The following FHAD1 variants were observed in gnomAD, a reference collection of about 807,000 sequenced individuals.
FHAD1 encodes forkhead associated phosphopeptide binding domain 1, also known as forkhead-associated domain-containing protein 1.
In FHAD1, 146 loss-of-function variants were observed where a neutral mutation model predicts 191.3. The ratio of observed to expected loss-of-function variants is 0.76; its 90% CI spans 0.67 to 0.88. The LOEUF is 0.88. Among genes scored for constraint, FHAD1 ranks in the 40% least tolerant of loss-of-function variants. FHAD1 has a pLI of 0.00. For missense variants in FHAD1, 1,635 were observed against 1,785.8 expected (o/e 0.92, Z 1.52); for synonymous variants, 616 against 672.3 (o/e 0.92, Z 1.29).
chr1:15,263,510 C>CTTTTATT (rs1652016077), intron 2 of FHAD1, among the ~76,000 whole-genome samples: 1 of 75,030 alleles, frequency 1.3e-5, no homozygotes, highest in Non-Finnish European at 2.7e-5. Context: ...CAGTTTTATT[C>CTTTTATT]TTTTTTTTTT....
intron 2 of FHAD1, among the ~76,000 whole-genome samples, chr1:15,256,600 T>C (rs1648185878): frequency 7.2e-6 from 1 of 139,640 alleles, no homozygotes; most frequent in Non-Finnish European, 1.5e-5. Flanking sequence ...TGAGCTGAGA[T>C]TGTGCCACTG....
intron 3 of FHAD1, among the ~76,000 whole-genome samples, chr1:15,284,101 C>G (rs549244624): frequency 6.6e-6 from 1 of 152,122 alleles, no homozygotes; most frequent in Admixed American, 6.5e-5. Context: ...GAGTTATTCT[C>G]GTGATTAGAT....
Position 15,373,276 on chromosome 1 carries a change from C to A in FHAD1, c.3448-1226C>A, listed in dbSNP as rs1031258372. On this transcript the variant is annotated intron_variant, in intron 26 of 33. Transcript: ENST00000688493. ...CTGTAATCCCAGCACTTTGGGAGGC[C>A]GAGGGAGGCGGATCACGAGGTCAGG... is the stretch of plus-strand genomic sequence containing the variant. Among the ~76,000 whole-genome samples the A allele has an allele frequency of 3.3e-5, 5 of 151,098 alleles. No homozygotes were observed. In the East Asian group the frequency reaches 9.9e-4, roughly 30 times the overall value.
At chr1:15,368,270 G>A (rs34864059) in intron 25 of FHAD1, among the ~76,000 whole-genome samples, 8,001 of 152,120 alleles carry the variant, frequency 0.053, 268 homozygotes, top group Middle Eastern at 0.11. Context: ...CACCGCGCCC[G>A]GCCCCATTGC....
chr1:15,252,265 G>A (rs1646874705), intron 2 of FHAD1, among the ~76,000 whole-genome samples: 1 of 152,182 alleles, frequency 6.6e-6, no homozygotes, highest in African/African-American at 2.4e-5. Context: ...TTACAGCTGT[G>A]TGGCTGCTCC....
intron 29 of FHAD1, 41 bp downstream of exon 29, chr1:15,380,837 T>C (rs950483669): frequency 1.4e-6 from 2 of 1,480,920 alleles, no homozygotes; most frequent in African/African-American, 1.4e-5. Flanking sequence ...ATCCAAAGCC[T>C]GGGGCCCCTG....
At chr1:15,279,152 G>T (rs144281390) in intron 3 of FHAD1, among the ~76,000 whole-genome samples, 1 of 152,190 alleles carries the variant, frequency 6.6e-6, no homozygotes, top group Non-Finnish European at 1.5e-5. Flanking sequence ...GGTAAATTTG[G>T]TGCATGATTA....
At chr1:15,293,603 A>T (rs569351458) in intron 4 of FHAD1, among the ~76,000 whole-genome samples, 1 of 152,300 alleles carries the variant, frequency 6.6e-6, no homozygotes, top group Admixed American at 6.5e-5. Context: ...CTGTAATCCC[A>T]GCTACTCAGG....
chr1:15,351,446 A>G (rs1690829714), intron 19 of FHAD1, among the ~76,000 whole-genome samples: 1 of 152,158 alleles, frequency 6.6e-6, no homozygotes, highest in Admixed American at 6.5e-5. Context: ...AGTTAAGGCA[A>G]GGGCACTGGT....
At chr1:15,362,552 G>T (rs1695145151) in intron 22 of FHAD1, 90 bp from the exon 23 acceptor site, 3 of 1,046,000 alleles carry the variant, frequency 2.9e-6, no homozygotes, top group Middle Eastern at 2.0e-4. Flanking sequence ...TGGAGGCAGG[G>T]TTTGTAAGTT....
intron 12 of FHAD1, 109 bp from the exon 13 acceptor site, chr1:15,328,164 TAGAC>T (rs1679632764): frequency 4.8e-6 from 4 of 834,346 alleles, no homozygotes; most frequent in Non-Finnish European, 7.0e-6. Context: ...CTCCCGTGCT[TAGAC>T]AGGGACTTAA....
chr1:15,317,325 C>T (rs1398258423), intron 9 of FHAD1, among the ~76,000 whole-genome samples: 3 of 152,214 alleles, frequency 2.0e-5, no homozygotes, highest in Admixed American at 6.5e-5. Context: ...ACCAGGTGTG[C>T]GTTTTCCACT....
intron 20 of FHAD1, among the ~76,000 whole-genome samples, chr1:15,355,391 C>A (rs926039845): frequency 6.6e-6 from 1 of 152,018 alleles, no homozygotes; most frequent in Non-Finnish European, 1.5e-5. Flanking sequence ...TCTGTACACT[C>A]GGAAGAGCAA....
intron 19 of FHAD1, among the ~76,000 whole-genome samples, chr1:15,352,328 A>C (rs1691187738): frequency 6.6e-6 from 1 of 152,156 alleles, no homozygotes; most frequent in Non-Finnish European, 1.5e-5. Context: ...CTGGGCCTCC[A>C]GTTCCCTCCA....
At chr1:15,286,748 A>G (rs1192646450) in intron 3 of FHAD1, among the ~76,000 whole-genome samples, 2 of 152,132 alleles carry the variant, frequency 1.3e-5, no homozygotes, top group Non-Finnish European at 2.9e-5. Context: ...TTTACCCACA[A>G]TCTCCAAAAG....
At chr1:15,383,696 T>G in intron 31 of FHAD1, 1 of 306,850 alleles carries the variant, frequency 3.3e-6, no homozygotes, top group Non-Finnish European at 6.5e-6. Context: ...TCACTGTTTC[T>G]TCATGACCGT....
chr1:15,293,563 C>CA (rs552186735), intron 4 of FHAD1, among the ~76,000 whole-genome samples: 9 of 152,090 alleles, frequency 5.9e-5, no homozygotes, highest in Admixed American at 1.3e-4. Flanking sequence ...ACTAAAAATA[C>CA]AAAAATTAGC....
At chr1:15,380,953 A>C (rs1700761175) in intron 29 of FHAD1, among the ~76,000 whole-genome samples, 157 bp downstream of exon 29, 1 of 152,252 alleles carries the variant, frequency 6.6e-6, no homozygotes, top group Non-Finnish European at 1.5e-5. Context: ...TGGGTCAGGA[A>C]TCACATAGCC....
At chr1:15,365,019 C>G (rs1695962748) in intron 23 of FHAD1, among the ~76,000 whole-genome samples, 1 of 152,222 alleles carries the variant, frequency 6.6e-6, no homozygotes, top group Admixed American at 6.5e-5. Context: ...CCCCTGTTGC[C>G]TGGGCCACAC....
Sources: gnomAD v4.1 joint callset for allele counts (sites outside exome capture counted in the v4.1 genomes callset) on GRCh38, gnomAD v4.1.1 for gene constraint, MANE v1.5 for transcripts, NCBI Gene and HGNC (gene_info 2026-07-23, HGNC 2026-07-21) for gene names.